TCN1: variants seen among roughly 807,000 people sequenced by gnomAD.
The protein encoded by TCN1 is transcobalamin 1, also known as transcobalamin-1.
TCN1 carries 47 observed loss-of-function variants against 46.3 expected under a neutral mutation model. That is an observed-to-expected ratio of 1.01 (90% CI 0.80 to 1.29). TCN1 has a LOEUF of 1.29. Among genes scored for constraint, TCN1 ranks in the 50% most tolerant of loss-of-function variants. TCN1 has a pLI of 0.00. For synonymous variants in TCN1, 183 were observed against 192.5 expected (o/e 0.95, Z 0.41); for missense variants, 532 against 511.0 (o/e 1.04, Z -0.40).
In TCN1 at chr11:59,859,285, A is replaced by T. The variant is rs200783478; in HGVS notation, c.557-18T>A. ...ACCAGTATCTGTCAGGAAACAAAAC[A>T]TTGTTGATAGGCGACCAACCACCTC... On this transcript the variant is annotated intron_variant, in intron 4 of 8. Transcript: ENST00000257264. 8 of 1,611,872 alleles carry T rather than the reference A, an allele frequency of 5.0e-6. No individual in the cohort carries two copies. The highest frequency in any genetic ancestry group is 1.7e-5 in the Admixed American group (1 of 60,008).
At chr11:59,863,467 G>A (rs992809328) in intron 2 of TCN1, among the ~76,000 whole-genome samples, 10 of 151,902 alleles carry the variant, frequency 6.6e-5, no homozygotes, top group African/African-American at 2.4e-4. Context: ...GGTAAGAGTG[G>A]CTTCTTTTCC....
At chr11:59,855,266 C>T (rs756190068) in intron 6 of TCN1, among the ~76,000 whole-genome samples, 1 of 152,102 alleles carries the variant, frequency 6.6e-6, no homozygotes, top group Non-Finnish European at 1.5e-5. Context: ...TTTACAAAAA[C>T]CTATGTTAGG....
Position 59,866,483 on chromosome 11 carries a change from G to C in TCN1, c.-13C>G. The C allele has an allele frequency of 6.2e-7, 1 of 1,611,088 alleles. No homozygotes were observed. The highest frequency in any genetic ancestry group is 8.5e-7 in the Non-Finnish European group (1 of 1,177,350). ...GTGACTGTCTCATCTCTCCAACAGT[G>C]TACCAGAATGTTGATGAATTGGCTG... On this transcript the variant is annotated 5_prime_UTR_variant, in exon 1 of 9. Coordinates refer to ENST00000257264, the MANE Select transcript of TCN1 (RefSeq NM_001062.4).
intron 5 of TCN1, among the ~76,000 whole-genome samples, chr11:59,857,372 G>A (rs1852955653): frequency 6.6e-6 from 1 of 152,128 alleles, no homozygotes. Context: ...ATGAAAATGG[G>A]AAAGCAGTTT....
chr11:59,861,803 AG>A, intron 3 of TCN1, 121 bp from the exon 4 acceptor site: 2 of 1,147,834 alleles, frequency 1.7e-6, no homozygotes, highest in East Asian at 2.6e-5. Context: ...GGCTAATAGA[AG>A]GGGGAGGTCA....
At chr11:59,865,739 A>G (rs1026647722) in intron 1 of TCN1, among the ~76,000 whole-genome samples, 1 of 152,178 alleles carries the variant, frequency 6.6e-6, no homozygotes, top group Admixed American at 6.6e-5. Flanking sequence ...GGGTCATTCA[A>G]TAACTAAGGG....
rs1316929193 is a variant in TCN1, at chr11:59,854,647, C to G, written c.1121+5G>C. On this transcript the variant is annotated splice_donor_5th_base_variant and intron_variant, in intron 7 of 8. Coordinates refer to ENST00000257264, the MANE Select transcript of TCN1 (RefSeq NM_001062.4). ...ATCTTAACCTTAGGTTAGGTACAGA[C>G]CTACCCAAATATAGTATCATTCATT... 3 of 1,613,552 alleles carry G rather than the reference C, an allele frequency of 1.9e-6. No individual in the cohort carries two copies. The highest frequency in any genetic ancestry group is 2.5e-6 in the Non-Finnish European group (3 of 1,179,660).
intron 4 of TCN1, among the ~76,000 whole-genome samples, chr11:59,860,410 T>G (rs1853004912): frequency 6.6e-6 from 1 of 151,626 alleles, no homozygotes; most frequent in Non-Finnish European, 1.5e-5. Flanking sequence ...ATAACAGGTG[T>G]GAGCCACTGC....
chr11:59,854,736 T>C lies in TCN1; in HGVS notation c.1037A>G (p.Tyr346Cys), dbSNP rs747831464. The C allele has an allele frequency of 3.1e-6, 5 of 1,614,000 alleles. No individual in the cohort carries two copies. The highest frequency in any genetic ancestry group is 2.5e-6 in the Non-Finnish European group (3 of 1,179,934). ...ATTTAGCACAGTGACATTGGTGAAA[T>C]ATGTTTCATTGATTCTCACAGAGTA... is the stretch of plus-strand genomic sequence containing the variant. ...VNYSVRINET[Y>C]FTNVTVLNGS... is the part of the protein sequence containing the mutation. Residue 346 changes from tyrosine to cysteine, a missense_variant, in exon 7 of 9, where the codon TAT becomes TGT. By Grantham distance (194) the Tyr-to-Cys change is radical. Coordinates refer to ENST00000257264, the MANE Select transcript of TCN1 (RefSeq NM_001062.4).
intron 5 of TCN1, among the ~76,000 whole-genome samples, chr11:59,857,756 C>T (rs995770267): frequency 2.6e-5 from 4 of 152,020 alleles, no homozygotes; most frequent in Non-Finnish European, 5.9e-5. Flanking sequence ...AGTCTCAGAC[C>T]TCAAAGAGCA....
intron 6 of TCN1, among the ~76,000 whole-genome samples, chr11:59,855,641 T>C (rs1852922302): frequency 6.6e-6 from 1 of 152,196 alleles, no homozygotes; most frequent in Non-Finnish European, 1.5e-5. Flanking sequence ...TTTAATCAGG[T>C]CTGCCTTGTT....
chr11:59,859,066 C>A lies in TCN1; in HGVS notation c.747+11G>T. ...TCCCTTCTCTGCCTCCTGTTTCACC[C>A]TCTGACTTACCTGCATGGCTTCTCC... On this transcript the variant is annotated intron_variant, in intron 5 of 8. Transcript: ENST00000257264. 6.2e-7 allele frequency: 1 copy of A among 1,611,328 alleles called. No individual in the cohort carries two copies. Among genetic ancestry groups the A allele is most frequent in the Middle Eastern group, 1.7e-4 (1 of 6,052 alleles).
chr11:59,856,089 T>C, intron 5 of TCN1, 31 bp from the exon 6 acceptor site: 1 of 1,359,066 alleles, frequency 7.4e-7, no homozygotes, highest in Non-Finnish European at 1.0e-6. Context: ...GGGGGGGTGA[T>C]GAGAGATAAA....
At chr11:59,857,853 G>C (rs1176232332) in intron 5 of TCN1, among the ~76,000 whole-genome samples, 2 of 152,144 alleles carry the variant, frequency 1.3e-5, no homozygotes, top group Non-Finnish European at 2.9e-5. Context: ...CTGGTTTTGT[G>C]AGATTAGTTA....
chr11:59,853,096 A>G (rs1350320095), intron 8 of TCN1, 60 bp from the exon 9 acceptor site: 2 of 1,600,664 alleles, frequency 1.2e-6, no homozygotes, highest in Non-Finnish European at 1.7e-6. Context: ...TCACCAAATA[A>G]TGGATGTCAT....
intron 1 of TCN1, among the ~76,000 whole-genome samples, chr11:59,864,956 T>C (rs1186218880): frequency 2.6e-5 from 4 of 152,174 alleles, no homozygotes; most frequent in Admixed American, 2.0e-4. Flanking sequence ...TGACTGTGGA[T>C]AATAACTTAT....
chr11:59,857,779 T>C (rs1184742861), intron 5 of TCN1, among the ~76,000 whole-genome samples: 1 of 152,112 alleles, frequency 6.6e-6, no homozygotes, highest in African/African-American at 2.4e-5. Flanking sequence ...TGCACGACAG[T>C]GTAGGTGCTG....
chr11:59,862,851 T>A, intron 2 of TCN1, 129 bp from the exon 3 acceptor site: 1 of 1,015,164 alleles, frequency 9.9e-7, no homozygotes, highest in Non-Finnish European at 1.5e-6. Context: ...TTGTGTCGCT[T>A]AATGATAGGG....
chr11:59,854,422 C>T (rs911224678), intron 7 of TCN1, among the ~76,000 whole-genome samples: 1 of 146,520 alleles, frequency 6.8e-6, no homozygotes, highest in Non-Finnish European at 1.5e-5. Flanking sequence ...AGAGAGAGCC[C>T]TGAGATTCAT....
Sources: gnomAD v4.1 joint callset for allele counts (sites outside exome capture counted in the v4.1 genomes callset) on GRCh38, gnomAD v4.1.1 for gene constraint, MANE v1.5 for transcripts, NCBI Gene and HGNC (gene_info 2026-07-23, HGNC 2026-07-21) for gene names.